The following CDH12 variants were observed in gnomAD, a reference collection of about 807,000 sequenced individuals.
CDH12 encodes cadherin 12, also known as cadherin-12.
CDH12 carries 41 observed loss-of-function variants against 74.1 expected under a neutral mutation model. That is an observed-to-expected ratio of 0.55 (90% CI 0.43 to 0.72). The LOEUF (loss-of-function observed/expected upper bound fraction) is 0.72, where lower values mean the gene tolerates loss of function less well. Among genes scored for constraint, CDH12 ranks in the 30% least tolerant of loss-of-function variants. The probability of loss-of-function intolerance (pLI) is 0.00; values close to 1 mark genes in which losing one functional copy is unlikely to be tolerated. For synonymous variants in CDH12, 399 were observed against 355.0 expected (o/e 1.12, Z -1.39); for missense variants, 945 against 977.2 (o/e 0.97, Z 0.44).
At chr5:22,665,228 G>C (rs1040653186) in intron 1 of CDH12, among the ~76,000 whole-genome samples, 6 of 152,244 alleles carry the variant, frequency 3.9e-5, no homozygotes, top group South Asian at 2.1e-4. Flanking sequence ...TACCAGCACA[G>C]CTCCTGGCCT....
chr5:21,843,420 A>G (rs899260875), intron 7 of CDH12, among the ~76,000 whole-genome samples: 3 of 152,012 alleles, frequency 2.0e-5, no homozygotes, highest in Non-Finnish European at 2.9e-5. Context: ...AAATTTGACA[A>G]TCTGAGATTT....
At chr5:22,823,195 G>A (rs1040687036) in intron 1 of CDH12, among the ~76,000 whole-genome samples, 4 of 140,768 alleles carry the variant, frequency 2.8e-5, no homozygotes, top group Admixed American at 1.5e-4. Flanking sequence ...AGAACACTTG[G>A]ACACAGGAAG....
At chr5:21,774,298 AT>A (rs1745475165) in intron 11 of CDH12, 1 of 152,156 alleles carries the variant, frequency 6.6e-6, no homozygotes, top group African/African-American at 2.4e-5. Context: ...TGCTGGATGG[AT>A]ATTTCCTTCC....
At chr5:22,168,528 A>G (rs1170227918) in intron 4 of CDH12, among the ~76,000 whole-genome samples, 1 of 152,078 alleles carries the variant, frequency 6.6e-6, no homozygotes, top group African/African-American at 2.4e-5. Flanking sequence ...AGAGTCTAAC[A>G]AAGACAGATG....
In CDH12 at chr5:21,752,041, T is replaced by G. The variant is rs1744114614; in HGVS notation, c.2081A>C (p.Lys694Thr). 1 of 1,614,084 alleles carries G rather than the reference T, an allele frequency of 6.2e-7. No homozygotes were observed. The highest frequency in any genetic ancestry group is 8.5e-7 in the Non-Finnish European group (1 of 1,179,988). ...IEENKIRRDI[K>T]PDSLCLPRQR... ...ACGAGGTAAACAGAGAGAGTCTGGT[T>G]TTATATCCCTGCGAATTTTGTTCTC... The change falls in exon 15 of 15, where the codon AAA (lysine) becomes ACA (threonine). Residue 694 changes from lysine (K) to threonine (T), a missense_variant. Lys to Thr is a moderately conservative substitution (Grantham distance 78). Coordinates refer to ENST00000382254, the MANE Select transcript of CDH12 (RefSeq NM_004061.5).
intron 5 of CDH12, among the ~76,000 whole-genome samples, chr5:22,031,969 C>T (rs1006244428): frequency 6.6e-6 from 1 of 151,916 alleles, no homozygotes; most frequent in Non-Finnish European, 1.5e-5. Flanking sequence ...CGCTGATAGA[C>T]TTGCTCAATG....
intron 3 of CDH12, among the ~76,000 whole-genome samples, chr5:22,253,694 T>C (rs1753209358): frequency 6.6e-6 from 1 of 151,756 alleles, no homozygotes; most frequent in African/African-American, 2.4e-5. Context: ...CTCTTCCTCT[T>C]CCCCTTTTCC....
intron 7 of CDH12, among the ~76,000 whole-genome samples, chr5:21,844,731 G>C (rs1240603314): frequency 6.6e-6 from 1 of 152,102 alleles, no homozygotes; most frequent in Non-Finnish European, 1.5e-5. Flanking sequence ...CTGGATCCCA[G>C]TGGATAGCTT....
intron 1 of CDH12, among the ~76,000 whole-genome samples, chr5:22,639,707 G>A (rs1006449554): frequency 6.6e-6 from 1 of 152,082 alleles, no homozygotes; most frequent in African/African-American, 2.4e-5. Flanking sequence ...GGTAAACTCA[G>A]TTTGCTGATT....
At chr5:22,791,949 A>G (rs1467419501) in intron 1 of CDH12, among the ~76,000 whole-genome samples, 2 of 152,200 alleles carry the variant, frequency 1.3e-5, no homozygotes, top group Non-Finnish European at 2.9e-5. Flanking sequence ...TATCAGTAAC[A>G]TTTCTAAAAT....
At chr5:22,207,180 C>A (rs1751268257) in intron 4 of CDH12, among the ~76,000 whole-genome samples, 1 of 140,524 alleles carries the variant, frequency 7.1e-6, no homozygotes, top group South Asian at 2.2e-4. Flanking sequence ...GATTGCGCCA[C>A]TGCACTCCAG....
intron 1 of CDH12, among the ~76,000 whole-genome samples, chr5:22,657,703 A>G (rs185995914): frequency 9.4e-4 from 143 of 152,336 alleles, no homozygotes; most frequent in Non-Finnish European, 1.8e-3. Flanking sequence ...TCTTTATAAC[A>G]GAATTTCCCA....
chr5:22,488,646 C>A (rs1187927907), intron 2 of CDH12, among the ~76,000 whole-genome samples: 1 of 152,092 alleles, frequency 6.6e-6, no homozygotes, highest in Admixed American at 6.6e-5. Flanking sequence ...GGCCACTATC[C>A]ATCTACCCTA....
At chr5:21,922,025 T>TG (rs1754376847) in intron 6 of CDH12, among the ~76,000 whole-genome samples, 1 of 152,138 alleles carries the variant, frequency 6.6e-6, no homozygotes, top group African/African-American at 2.4e-5. Context: ...TCTTTTACCA[T>TG]GGGGGTGTCC....
intron 2 of CDH12, among the ~76,000 whole-genome samples, chr5:22,466,157 T>C (rs1373701993): frequency 6.6e-6 from 1 of 152,232 alleles, no homozygotes; most frequent in African/African-American, 2.4e-5. Context: ...CATTTCCATC[T>C]CCAGCCCTTG....
intron 7 of CDH12, among the ~76,000 whole-genome samples, chr5:21,851,890 C>T (rs7709423): frequency 0.1 from 15,588 of 151,290 alleles, 1,485 homozygotes; most frequent in African/African-American, 0.26. Flanking sequence ...ATCTCTGTAT[C>T]TCTTCATAAA....
At chr5:22,644,777 G>A (rs1411546064) in intron 1 of CDH12, among the ~76,000 whole-genome samples, 2 of 151,502 alleles carry the variant, frequency 1.3e-5, no homozygotes, top group Non-Finnish European at 2.9e-5. Context: ...TCAAAGGACA[G>A]GGTGACTCTC....
chr5:22,831,380 T>TGTGC, intron 1 of CDH12, among the ~76,000 whole-genome samples: 2 of 150,996 alleles, frequency 1.3e-5, no homozygotes, highest in South Asian at 4.2e-4. Flanking sequence ...TCTGTGTGTG[T>TGTGC]GTGTGTGTGT....
chr5:21,812,991 C>G (rs1244061551), intron 9 of CDH12, among the ~76,000 whole-genome samples: 6 of 152,184 alleles, frequency 3.9e-5, no homozygotes, highest in Non-Finnish European at 8.8e-5. Context: ...AATATTTATA[C>G]AAATATGTTT....
Sources: gnomAD v4.1 joint callset for allele counts (sites outside exome capture counted in the v4.1 genomes callset) on GRCh38, gnomAD v4.1.1 for gene constraint, MANE v1.5 for transcripts, NCBI Gene and HGNC (gene_info 2026-07-23, HGNC 2026-07-21) for gene names.